The following ISG20L2 variants were observed in gnomAD, a reference collection of about 807,000 sequenced individuals.
ISG20L2 encodes interferon stimulated exonuclease gene 20 like 2, also known as interferon-stimulated 20 kDa exonuclease-like 2.
Under a neutral mutation model 27.8 loss-of-function variants are expected in ISG20L2, and 14 were observed. The observed-to-expected ratio is 0.50, with a 90% CI of 0.33 to 0.79. ISG20L2 has a LOEUF of 0.79. Ranked by LOEUF, ISG20L2 falls within the 30% of genes least tolerant of loss-of-function variation. The pLI, the probability that ISG20L2 is intolerant of heterozygous loss-of-function variation, is 0.02. For missense variants in ISG20L2, 393 were observed against 435.1 expected (o/e 0.90, Z 0.86); for synonymous variants, 157 against 165.7 (o/e 0.95, Z 0.40).
intron 3 of ISG20L2, 171 bp from the exon 4 acceptor site, chr1:156,723,633 G>T: frequency 9.1e-6 from 9 of 985,290 alleles, no homozygotes; most frequent in Non-Finnish European, 1.1e-5. Flanking sequence ...TAATTTCAGG[G>T]GTTCAACTCC....
rs1204812308 is a variant in ISG20L2, at chr1:156,723,113, G to C, written c.*236C>G. Reference sequence around the variant, plus strand: ...GGTTAGCACCATTTAAGAAGTAAAAGGTATAGGGTTGGGTTCTGACGTGAA... The same window carrying C: ...GGTTAGCACCATTTAAGAAGTAAAACGTATAGGGTTGGGTTCTGACGTGAA... On this transcript the variant is annotated 3_prime_UTR_variant, in exon 4 of 4. Transcript: ENST00000368219. The C allele has an allele frequency of 2.0e-6, 1 of 508,800 alleles. No homozygotes were observed. Among genetic ancestry groups the C allele is most frequent in the African/African-American group, 1.9e-5 (1 of 52,630 alleles). The allele number at this position is 508,800 out of a possible 1,614,324, so 31.5% of individuals were successfully genotyped here.
rs1648923133 is a variant in ISG20L2, at chr1:156,728,502, C to G, written c.-205G>C. 1 of 985,584 alleles carries G rather than the reference C, an allele frequency of 1.0e-6. No homozygotes were observed. Among genetic ancestry groups the G allele is most frequent in the Non-Finnish European group, 1.2e-6 (1 of 829,906 alleles). The allele number at this position is 985,584 out of a possible 1,614,324, so 61.1% of individuals were successfully genotyped here. ...CCGACGAAGCCCGGGAAGGCAGGCG[C>G]GCGGGTTAGAACGCGCCAGAGGTCG... On this transcript the variant is annotated 5_prime_UTR_variant, in exon 1 of 4. Coordinates refer to ENST00000368219, the MANE Select transcript of ISG20L2 (RefSeq NM_001370150.2).
At chr1:156,726,452 TCA>T in intron 2 of ISG20L2, 2 of 974,148 alleles carry the variant, frequency 2.1e-6, no homozygotes. Context: ...AGACAGGATC[TCA>T]CTCTGTCGCT....
Position 156,723,376 on chromosome 1 carries a change from G to A in ISG20L2, c.1035C>T (p.His345=), listed in dbSNP as rs748740817. Residue 345 remains histidine, a synonymous_variant, in exon 4 of 4, where the codon CAC becomes CAT. Coordinates refer to ENST00000368219, the MANE Select transcript of ISG20L2 (RefSeq NM_001370150.2). ...AGTCTGTAGGGGGATTCCGGGCTAG[G>A]TGCTCTTCCCACTCGACTTCAACCA... ...YKLVEVEWEE[H]LARNPPTD 6.8e-6 allele frequency: 11 copies of A among 1,614,016 alleles called. No homozygotes were observed. The highest frequency in any genetic ancestry group is 9.3e-6 in the Non-Finnish European group (11 of 1,180,032).
At chr1:156,725,892 A>G (rs1436065409) in intron 2 of ISG20L2, 6 of 985,344 alleles carry the variant, frequency 6.1e-6, no homozygotes, top group African/African-American at 1.7e-5. Flanking sequence ...GACCGCATAT[A>G]AGGCATTATG....
At chr1:156,726,629 C>T in intron 2 of ISG20L2, 2 of 945,118 alleles carry the variant, frequency 2.1e-6, no homozygotes, top group Non-Finnish European at 1.3e-6. Context: ...AGCGATTCTC[C>T]CGCCTCAGCC....
At position 156,723,287 on chromosome 1, in the gene ISG20L2, A is replaced by C. The variant is rs1181036147; in HGVS notation, c.*62T>G. On this transcript the variant is annotated 3_prime_UTR_variant, in exon 4 of 4. Transcript: ENST00000368219. ...AGCTGGTGGAGCTGTCCATTGGTCCACTGCCCTGTTTCTCCTGGGTGCTGC... is the reference window on the plus strand; with the variant it reads ...AGCTGGTGGAGCTGTCCATTGGTCCCCTGCCCTGTTTCTCCTGGGTGCTGC... 4.4e-6 allele frequency: 7 copies of C among 1,601,996 alleles called. No individual in the cohort carries two copies. Among genetic ancestry groups the C allele is most frequent in the Non-Finnish European group, 2.6e-6 (3 of 1,171,772 alleles).
Position 156,728,595 on chromosome 1 carries a change from G to C in ISG20L2, c.-298C>G. ...CAGTGATTCCGAGTGTGTGAGGAGC[G>C]GCAGTGGCGGCGGAGGAGGGGGCGG... is the stretch of plus-strand genomic sequence containing the variant. On this transcript the variant is annotated 5_prime_UTR_variant, in exon 1 of 4. Transcript: ENST00000368219. 1.0e-6 allele frequency: 1 copy of C among 985,968 alleles called. No individual in the cohort carries two copies. 61.1% of individuals were successfully genotyped at this position (985,968 alleles called of 1,614,324 possible).
In ISG20L2 at chr1:156,727,304, C is replaced by T. The variant is rs556919602; in HGVS notation, c.349G>A (p.Asp117Asn). Reference sequence around the variant, plus strand: ...GCACTCTGGAACTCCCCCAGCAAATCTACTTTAGCAGCAACAGAATCAGCC... The same window carrying T: ...GCACTCTGGAACTCCCCCAGCAAATTTACTTTAGCAGCAACAGAATCAGCC... ...KKADSVAAKV[D>N]LLGEFQSALP... Residue 117 changes from aspartate (D) to asparagine (N), a missense_variant, in exon 2 of 4, where the codon GAT becomes AAT. Around this residue, in one of 3 missense-constraint regions of ISG20L2, gnomAD observed 183 missense variants for 168.2 expected, o/e 1.09. Transcript: ENST00000368219. 4.0e-5 allele frequency: 65 copies of T among 1,614,166 alleles called. No homozygotes were observed. In the South Asian group the frequency reaches 7.0e-4, roughly 17 times the overall value.
rs1348929348 is a variant in ISG20L2, at chr1:156,724,321, C to T, written c.775G>A (p.Val259Met). 6.2e-7 allele frequency: 1 copy of T among 1,612,176 alleles called. No homozygotes were observed. Among genetic ancestry groups the T allele is most frequent in the Non-Finnish European group, 8.5e-7 (1 of 1,178,466 alleles). Residue 259 changes from valine to methionine, a missense_variant, in exon 3 of 4, where the codon GTG becomes ATG. By Grantham distance (21) the Val-to-Met change is conservative (BLOSUM62 1). Coordinates refer to ENST00000368219, the MANE Select transcript of ISG20L2 (RefSeq NM_001370150.2). ...TCGTTGTGGATGGCATGCCCCACCA[C>T]TATCTTCCCTGTGAGTATCTTCAAG... is the stretch of plus-strand genomic sequence containing the variant. ...QILKILTGKIVVGHAIHNDFK... is the reference protein window; with the variant it reads ...QILKILTGKIMVGHAIHNDFK...
chr1:156,728,312 T>C (rs1216651494), intron 1 of ISG20L2, 103 bp downstream of exon 1: 15 of 985,748 alleles, frequency 1.5e-5, no homozygotes, highest in Non-Finnish European at 1.8e-5. Context: ...CTTGACACCA[T>C]CTACCAGCGC....
intron 2 of ISG20L2, chr1:156,726,679 C>T (rs913228830): frequency 1.3e-4 from 132 of 985,190 alleles, no homozygotes; most frequent in Non-Finnish European, 1.5e-4. Context: ...CCACTGCGCC[C>T]GGCTAAAATA....
Position 156,727,398 on chromosome 1 carries a change from G to A in ISG20L2, c.255C>T (p.Ser85=). The A allele has an allele frequency of 6.2e-7, 1 of 1,614,202 alleles. No individual in the cohort carries two copies. The highest frequency in any genetic ancestry group is 1.1e-5 in the South Asian group (1 of 91,090). ...SFPKKKTAAS[S]NGSGQPLDKK... ...TGTCCAGGGGCTGTCCTGACCCATT[G>A]CTGGAAGCAGCTGTCTTCTTTTTTG... Residue 85 remains serine (S), a synonymous_variant, in exon 2 of 4, where the codon AGC becomes AGT. Transcript: ENST00000368219.
In ISG20L2 at chr1:156,724,282, G is replaced by A. The variant is rs199864903; in HGVS notation, c.814C>T (p.Gln272Ter). ...HAIHNDFKALQYFHPKSLTRD... is the reference protein window; with the variant it reads ...HAIHNDFKAL ...GTGAGGGACTTGGGGTGAAAGTACT[G>A]AAGGGCTTTGAAGTCGTTGTGGATG... The change falls in exon 3 of 4, where the codon CAG becomes TAG. Residue 272 changes from glutamine (Q) to a stop codon, truncating the protein, a stop_gained. Coordinates refer to ENST00000368219, the MANE Select transcript of ISG20L2 (RefSeq NM_001370150.2). LOFTEE classifies it high-confidence loss of function. The A allele has an allele frequency of 6.2e-7, 1 of 1,614,040 alleles. No homozygotes were observed. The highest frequency in any genetic ancestry group is 1.7e-5 in the Admixed American group (1 of 60,022).
chr1:156,724,053 T>C, intron 3 of ISG20L2, 95 bp downstream of exon 3: 1 of 1,253,902 alleles, frequency 8.0e-7, no homozygotes, highest in South Asian at 1.3e-5. Context: ...CACCTGGATC[T>C]CTACAACCAC....
intron 2 of ISG20L2, 64 bp from the exon 3 acceptor site, chr1:156,724,412 A>G: frequency 2.0e-6 from 3 of 1,470,856 alleles, no homozygotes; most frequent in Non-Finnish European, 2.8e-6. Context: ...TGCATTCTGA[A>G]AGCCCAACAT....
At position 156,728,473 on chromosome 1, in the gene ISG20L2, C is replaced by A. The variant is rs3806415; in HGVS notation, c.-176G>T. The A allele has an allele frequency of 3.4e-5, 33 of 984,326 alleles. No individual in the cohort carries two copies. In the Middle Eastern group the frequency reaches 3.1e-3, roughly 94 times the overall value. The allele number at this position is 984,326 out of a possible 1,614,324, so 61.0% of individuals were successfully genotyped here. On this transcript the variant is annotated 5_prime_UTR_variant, in exon 1 of 4. Coordinates refer to ENST00000368219, the MANE Select transcript of ISG20L2 (RefSeq NM_001370150.2). ...CCGGAGCCGGATGCGGAAATCGGTGCGCGCCGACGAAGCCCGGGAAGGCAG... is the reference window on the plus strand; with the variant it reads ...CCGGAGCCGGATGCGGAAATCGGTGAGCGCCGACGAAGCCCGGGAAGGCAG...
At position 156,724,238 on chromosome 1, in the gene ISG20L2, G is replaced by A. The variant is rs141168468; in HGVS notation, c.858C>T (p.Ile286=). Residue 286 remains isoleucine (I), a synonymous_variant, in exon 3 of 4, where the codon ATC becomes ATT. Transcript: ENST00000368219. Reference sequence around the variant, plus strand: ...AGTCAGCCTTCCGGTTGAGGGGGGGGATATGGGAGGTGTCACGGGTGAGGG... The same window carrying A: ...AGTCAGCCTTCCGGTTGAGGGGGGGAATATGGGAGGTGTCACGGGTGAGGG... The part of the protein sequence containing the change: ...PKSLTRDTSH[I]PPLNRKADCP... The A allele has an allele frequency of 5.4e-4, 865 of 1,612,262 alleles. 1 individual carries two copies. The highest frequency in any genetic ancestry group is 7.0e-4 in the Non-Finnish European group (827 of 1,178,732).
chr1:156,727,192 T>C lies in ISG20L2; in HGVS notation c.461A>G (p.Asn154Ser). 6.2e-7 allele frequency: 1 copy of C among 1,613,992 alleles called. No homozygotes were observed. The highest frequency in any genetic ancestry group is 8.5e-7 in the Non-Finnish European group (1 of 1,180,032). ...KSSKKNHPQK[N>S]APQNSTQAHS... ...AGCTTGGGTGGAGTTCTGTGGGGCA[T>C]TCTTCTGAGGATGGTTCTTTTTAGA... Residue 154 changes from asparagine (N) to serine (S), a missense_variant, in exon 2 of 4, where the codon AAT (asparagine) becomes AGT (serine). Transcript: ENST00000368219.
Sources: gnomAD v4.1 joint callset for allele counts on GRCh38, gnomAD v4.1.1 for gene constraint, gnomAD v4.1.1 regional missense constraint, MANE v1.5 for transcripts, NCBI Gene and HGNC (gene_info 2026-07-23, HGNC 2026-07-21) for gene names.